Variants in COP1 observed in about 807,000 individuals in gnomAD.
COP1 encodes the protein E3 ubiquitin-protein ligase COP1.
In COP1, 24 loss-of-function variants were observed where a neutral mutation model predicts 101.3. The ratio of observed to expected loss-of-function variants is 0.24; its 90% CI spans 0.17 to 0.33. The LOEUF is 0.33. Among genes scored for constraint, COP1 ranks in the 10% least tolerant of loss-of-function variants. The probability of loss-of-function intolerance (pLI) is 1.00; values close to 1 mark genes in which losing one functional copy is unlikely to be tolerated. For synonymous variants in COP1, 347 were observed against 341.9 expected, an observed-to-expected ratio of 1.01 and a Z score of -0.17; for missense variants, 663 against 906.2, an observed-to-expected ratio of 0.73 and a Z score of 3.45.
intron 11 of COP1, among the ~76,000 whole-genome samples, chr1:176,047,384 G>A (rs1193624464): frequency 2.0e-5 from 3 of 152,264 alleles, no homozygotes; most frequent in African/African-American, 4.8e-5. Flanking sequence ...TTAGAGGTGA[G>A]GTAAATTGCC....
At chr1:176,026,212 C>CA (rs1667634190) in intron 15 of COP1, among the ~76,000 whole-genome samples, 1 of 151,952 alleles carries the variant, frequency 6.6e-6, no homozygotes, top group African/African-American at 2.4e-5. Flanking sequence ...TCATATCTGG[C>CA]ATTGGTACAA....
intron 18 of COP1, among the ~76,000 whole-genome samples, chr1:175,984,458 G>A (rs982473802): frequency 6.6e-6 from 1 of 152,216 alleles, no homozygotes; most frequent in Non-Finnish European, 1.5e-5. Flanking sequence ...GGCTATCCAG[G>A]CAGAAGTTTG....
intron 9 of COP1, among the ~76,000 whole-genome samples, chr1:176,095,975 G>A (rs1245175035): frequency 3.9e-5 from 6 of 152,172 alleles, no homozygotes; most frequent in Admixed American, 1.3e-4. Flanking sequence ...ACTATTCTGT[G>A]ACAAAATGAG....
intron 1 of COP1, among the ~76,000 whole-genome samples, chr1:176,193,079 A>C (rs1699289941): frequency 6.6e-6 from 1 of 152,184 alleles, no homozygotes; most frequent in Admixed American, 6.5e-5. Flanking sequence ...TTGGCTACCA[A>C]GAAACATACT....
intron 15 of COP1, among the ~76,000 whole-genome samples, chr1:175,991,681 C>T (rs1416691512): frequency 1.3e-5 from 2 of 152,074 alleles, no homozygotes; most frequent in Non-Finnish European, 2.9e-5. Flanking sequence ...AAAGTATTTC[C>T]TTTTTACATT....
At chr1:176,108,192 A>G (rs1684657179) in intron 9 of COP1, among the ~76,000 whole-genome samples, 1 of 152,234 alleles carries the variant, frequency 6.6e-6, no homozygotes, top group Admixed American at 6.5e-5. Flanking sequence ...CAAAATCAAT[A>G]GGCAATTACA....
chr1:176,176,132 T>A (rs1696901230), intron 2 of COP1, 125 bp from the exon 3 acceptor site: 1 of 563,252 alleles, frequency 1.8e-6, no homozygotes, highest in East Asian at 3.0e-5. Flanking sequence ...ATAAATTTAT[T>A]TTTGCTTATA....
chr1:176,068,351 G>A (rs1015801564), intron 11 of COP1, among the ~76,000 whole-genome samples: 1 of 152,142 alleles, frequency 6.6e-6, no homozygotes, highest in East Asian at 1.9e-4. Context: ...CCTGGAAATT[G>A]CTAGAAATGC....
chr1:176,043,327 C>T, intron 13 of COP1, 60 bp from the exon 14 acceptor site: 1 of 985,458 alleles, frequency 1.0e-6, no homozygotes, highest in South Asian at 1.5e-5. Context: ...ATGAATAAAG[C>T]AAGAAAAAAA....
intron 9 of COP1, among the ~76,000 whole-genome samples, chr1:176,096,840 C>A (rs1558100878): frequency 6.6e-6 from 1 of 152,194 alleles, no homozygotes; most frequent in Non-Finnish European, 1.5e-5. Flanking sequence ...AACTTTGCTG[C>A]AGGCCTCCAT....
chr1:176,039,351 G>A (rs2149148913), intron 14 of COP1, among the ~76,000 whole-genome samples: 1 of 151,866 alleles, frequency 6.6e-6, no homozygotes, highest in Non-Finnish European at 1.5e-5. Flanking sequence ...ACATATATTA[G>A]AAGATCTAAA....
intron 18 of COP1, among the ~76,000 whole-genome samples, chr1:175,973,135 C>G (rs772159233): frequency 1.3e-3 from 203 of 152,190 alleles, no homozygotes; most frequent in Admixed American, 3.8e-3. Flanking sequence ...TCTGGCCAAG[C>G]CTTATTTTTT....
At chr1:176,124,316 G>C (rs775665880) in intron 8 of COP1, among the ~76,000 whole-genome samples, 1 of 150,850 alleles carries the variant, frequency 6.6e-6, no homozygotes, top group Non-Finnish European at 1.5e-5. Flanking sequence ...AATTATTATT[G>C]ACTATAGTCA....
chr1:175,967,799 A>G (rs2148577825), intron 18 of COP1, among the ~76,000 whole-genome samples: 1 of 152,308 alleles, frequency 6.6e-6, no homozygotes, highest in Admixed American at 6.5e-5. Context: ...CTTCATATCT[A>G]AAGTATTGAC....
rs142243391 is a variant in COP1 at position 176,118,954 on chromosome 1, T to C, written c.969-2273A>G. 9.2e-4 allele frequency among the ~76,000 whole-genome samples: 140 copies of C among 152,266 alleles called. 3 individuals are homozygous for C. Among genetic ancestry groups the C allele is most frequent in the African/African-American group, 3.1e-3 (130 of 41,552 alleles). ...GAAAAAATAAAGAAATAAAGTTAGATGAGTGCCAAAAAATGCAGCACACAA... is the reference window on the plus strand; with the variant it reads ...GAAAAAATAAAGAAATAAAGTTAGACGAGTGCCAAAAAATGCAGCACACAA... On this transcript the variant is annotated intron_variant, in intron 8 of 19. Transcript: ENST00000367669.
chr1:176,057,897 T>A (rs1391516795), intron 11 of COP1, among the ~76,000 whole-genome samples: 2 of 151,512 alleles, frequency 1.3e-5, no homozygotes, highest in Non-Finnish European at 2.9e-5. Flanking sequence ...GAGGAGCGTC[T>A]CTGCCCGGCC....
chr1:176,003,030 G>C (rs576660480), intron 15 of COP1, among the ~76,000 whole-genome samples: 10,931 of 139,958 alleles, frequency 0.078, 462 homozygotes, highest in Middle Eastern at 0.13. Context: ...TGTTTCCTGA[G>C]TTTTTAATGA....
chr1:175,991,910 T>C (rs1044044403), intron 15 of COP1, among the ~76,000 whole-genome samples: 1 of 152,152 alleles, frequency 6.6e-6, no homozygotes, highest in African/African-American at 2.4e-5. Context: ...GAATGTCTCC[T>C]GAAGGGCCTG....
intron 1 of COP1, among the ~76,000 whole-genome samples, chr1:176,185,533 T>C (rs890585103): frequency 5.3e-5 from 8 of 152,212 alleles, no homozygotes; most frequent in Admixed American, 1.3e-4. Flanking sequence ...CAGTGAAATA[T>C]AGACATCAGT....
Sources: allele counts gnomAD v4.1 joint callset (sites outside exome capture counted in the v4.1 genomes callset), GRCh38; gene constraint gnomAD v4.1.1; transcripts MANE v1.5; gene names NCBI Gene and HGNC (gene_info 2026-07-23, HGNC 2026-07-21).